The following PDZD8 variants were observed in gnomAD, a reference collection of about 807,000 sequenced individuals.
The protein encoded by PDZD8 is PDZ domain-containing protein 8.
Under a neutral mutation model 85.8 loss-of-function variants are expected in PDZD8, and 14 were observed. The ratio of observed to expected loss-of-function variants is 0.16; its 90% CI spans 0.11 to 0.26. The LOEUF is 0.26. PDZD8 is among the 10% of genes least tolerant of loss of function. The pLI is 1.00. For missense variants in PDZD8, 1,197 were observed against 1,424.3 expected, an observed-to-expected ratio of 0.84 and a Z score of 2.57; for synonymous variants, 592 against 568.6, an observed-to-expected ratio of 1.04 and a Z score of -0.59.
chr10:117,278,594 C>CA lies in PDZD8; in HGVS notation c.*4673dup, dbSNP rs1346318515. 5.3e-5 allele frequency: 8 copies of CA among 152,128 alleles called. No individual in the cohort carries two copies. The highest frequency in any genetic ancestry group is 2.6e-4 in the Admixed American group (4 of 15,274). 9.4% of individuals were successfully genotyped at this position (152,128 alleles called of 1,614,324 possible). A position where few individuals can be genotyped will look rare whatever the true frequency, so the allele number is the denominator to read the frequency against. On this transcript the variant is annotated 3_prime_UTR_variant, in exon 5 of 5. Coordinates refer to ENST00000334464, the MANE Select transcript of PDZD8 (RefSeq NM_173791.5). ...TCTCTAATACTACTTGTGAATCCTG[C>CA]AGTTCTATAATCATAAACAAAAATT...
chr10:117,300,738 C>T (rs1843832752), intron 3 of PDZD8, among the ~76,000 whole-genome samples: 1 of 152,110 alleles, frequency 6.6e-6, no homozygotes, highest in African/African-American at 2.4e-5. Context: ...GAGGGTGGAG[C>T]CCTCTTTTAT....
chr10:117,361,737 G>A (rs78712068), intron 1 of PDZD8, among the ~76,000 whole-genome samples: 2,066 of 152,058 alleles, frequency 0.014, 48 homozygotes, highest in African/African-American at 0.046. Flanking sequence ...CTGCATCCTT[G>A]GATTCAACTA....
At chr10:117,333,453 G>T (rs911031742) in intron 2 of PDZD8, among the ~76,000 whole-genome samples, 3 of 152,008 alleles carry the variant, frequency 2.0e-5, no homozygotes, top group Non-Finnish European at 2.9e-5. Context: ...TAAAATAAAG[G>T]CAGGTAATAT....
intron 3 of PDZD8, among the ~76,000 whole-genome samples, chr10:117,291,253 C>T (rs974320969): frequency 3.4e-5 from 5 of 145,180 alleles, no homozygotes; most frequent in South Asian, 4.6e-4. Flanking sequence ...AGTTATCGGC[C>T]GGGCACAGTG....
chr10:117,343,526 CTG>C (rs899179461), intron 1 of PDZD8, among the ~76,000 whole-genome samples: 20 of 150,378 alleles, frequency 1.3e-4, no homozygotes, highest in African/African-American at 4.8e-4. Context: ...AAACATATAA[CTG>C]TTAGTTTGTA....
chr10:117,320,786 A>C (rs7897828), intron 2 of PDZD8, among the ~76,000 whole-genome samples: 8 of 151,926 alleles, frequency 5.3e-5, no homozygotes, highest in Admixed American at 5.2e-4. Flanking sequence ...CTAGTATCCA[A>C]AAAACATATA....
chr10:117,343,523 T>A (rs191005640), intron 1 of PDZD8, among the ~76,000 whole-genome samples: 1 of 150,766 alleles, frequency 6.6e-6, no homozygotes, highest in East Asian at 2.1e-4. Flanking sequence ...GAAAAACATA[T>A]AACTGTTAGT....
At chr10:117,331,893 AGGAG>A (rs553972776) in intron 2 of PDZD8, among the ~76,000 whole-genome samples, 3 of 152,210 alleles carry the variant, frequency 2.0e-5, no homozygotes, top group Non-Finnish European at 4.4e-5. Context: ...ACATAAATAC[AGGAG>A]GGAGAAATTC....
Position 117,296,417 on chromosome 10 carries a change from T to C in PDZD8, c.1099-6069A>G, listed in dbSNP as rs1843759374. Among the ~76,000 whole-genome samples, 3 of 152,100 alleles carry C rather than the reference T, an allele frequency of 2.0e-5. No individual in the cohort carries two copies. In the South Asian group the frequency reaches 6.2e-4, roughly 31 times the overall value. On this transcript the variant is annotated intron_variant, in intron 3 of 4. Transcript: ENST00000334464. ...TGCATAAGATTCATTATTGTTGAGA[T>C]GACAGTTCTTCCCAAATTTATCTAC...
chr10:117,329,359 T>A (rs1343411983), intron 2 of PDZD8, among the ~76,000 whole-genome samples: 5 of 152,220 alleles, frequency 3.3e-5, no homozygotes, highest in Non-Finnish European at 7.3e-5. Context: ...TTCAAAGTAT[T>A]CTTTTAAAGG....
At chr10:117,285,521 TTAC>T (rs750997275) in intron 4 of PDZD8, 50 bp from the exon 5 acceptor site, 3 of 1,452,862 alleles carry the variant, frequency 2.1e-6, no homozygotes, top group Non-Finnish European at 2.8e-6. Context: ...GCAATAGAAA[TTAC>T]TACATTTGTT....
In PDZD8 at chr10:117,374,979, GGCCGCGGTGGGGGTCGC is replaced by G; in HGVS notation, c.232_248del (p.Ala78ProfsTer95). ...GCGTCGGCGGGGCGGGGGTCTCGGGGGCCGCGGTGGGGGTCGCGCCGCCCTCAGGGGCCGCTCCGGAG... is the reference window on the plus strand; with the variant it reads ...GCGTCGGCGGGGCGGGGGTCTCGGGGGCCGCCCTCAGGGGCCGCTCCGGAG... On this transcript the variant is annotated frameshift_variant, in exon 1 of 5. Transcript: ENST00000334464. LOFTEE classifies it high-confidence loss of function. The surrounding 1 kb of genome is among the most constrained non-coding windows in gnomAD (Gnocchi z 7.8). 1 of 1,598,998 alleles carries G rather than the reference GGCCGCGGTGGGGGTCGC, an allele frequency of 6.3e-7. No homozygotes were observed. The highest frequency in any genetic ancestry group is 8.5e-7 in the Non-Finnish European group (1 of 1,173,280).
chr10:117,361,612 G>A, intron 1 of PDZD8, among the ~76,000 whole-genome samples: 1 of 152,130 alleles, frequency 6.6e-6, no homozygotes, highest in East Asian at 1.9e-4. Flanking sequence ...GTCTTCTTTA[G>A]CTAGTCAGGT....
At chr10:117,336,428 C>G (rs183492700) in intron 2 of PDZD8, among the ~76,000 whole-genome samples, 1 of 152,146 alleles carries the variant, frequency 6.6e-6, no homozygotes, top group Non-Finnish European at 1.5e-5. Context: ...AATAAACACA[C>G]CCAACATTCA....
intron 2 of PDZD8, among the ~76,000 whole-genome samples, chr10:117,320,176 G>C (rs1844205125): frequency 6.6e-6 from 1 of 152,064 alleles, no homozygotes; most frequent in Non-Finnish European, 1.5e-5. Flanking sequence ...AAAGAAGGCA[G>C]TCCAAATACA....
intron 1 of PDZD8, among the ~76,000 whole-genome samples, chr10:117,348,393 A>AT (rs1255119855): frequency 6.6e-6 from 1 of 152,216 alleles, no homozygotes; most frequent in Non-Finnish European, 1.5e-5. Flanking sequence ...CACACTGTAC[A>AT]TAAGGAAACA....
rs766801951 is a variant in PDZD8, at chr10:117,284,455, G to A, written c.2278C>T (p.Pro760Ser). ...CTAGTGACTATAGCCTTAGGTGAGG[G>A]GGCTTCCAGTCTCAATTTGGAAAGG... ...EYLSKLRLEAPSPKAIVTRTA... is the reference protein window; with the variant it reads ...EYLSKLRLEASSPKAIVTRTA... Residue 760 changes from proline (P) to serine (S), a missense_variant, in exon 5 of 5, where the codon CCC becomes TCC. This residue lies in a region of PDZD8 where 418 missense variants were observed against 571.1 expected (regional missense o/e 0.73). Coordinates refer to ENST00000334464, the MANE Select transcript of PDZD8 (RefSeq NM_173791.5). 4 of 1,614,072 alleles carry A rather than the reference G, an allele frequency of 2.5e-6. No individual in the cohort carries two copies. The highest frequency in any genetic ancestry group is 8.5e-7 in the Non-Finnish European group (1 of 1,180,008).
At chr10:117,288,166 G>A (rs957876609) in intron 4 of PDZD8, among the ~76,000 whole-genome samples, 2 of 152,042 alleles carry the variant, frequency 1.3e-5, no homozygotes, top group African/African-American at 4.8e-5. Flanking sequence ...ATTCCATTTT[G>A]AGCTTCAAAT....
At chr10:117,291,169 C>T (rs1434685925) in intron 3 of PDZD8, among the ~76,000 whole-genome samples, 4 of 151,874 alleles carry the variant, frequency 2.6e-5, no homozygotes, top group Non-Finnish European at 2.9e-5. Context: ...CCATCCCACC[C>T]GGCCAGTGTA....
Sources: gnomAD v4.1 joint callset for allele counts (sites outside exome capture counted in the v4.1 genomes callset) on GRCh38, gnomAD v4.1.1 for gene constraint, gnomAD v4.1.1 regional missense constraint, Gnocchi (gnomAD v3.1) non-coding constraint, MANE v1.5 for transcripts, NCBI Gene and HGNC (gene_info 2026-07-23, HGNC 2026-07-21) for gene names.